Variants in KNL1 observed in about 807,000 individuals in gnomAD.
The protein encoded by KNL1 is outer kinetochore KNL1 complex subunit KNL1.
KNL1 carries 66 observed loss-of-function variants against 201.3 expected under a neutral mutation model. The observed-to-expected ratio is 0.33, with a 90% CI of 0.27 to 0.40. The LOEUF (loss-of-function observed/expected upper bound fraction) is 0.40, where lower values mean the gene tolerates loss of function less well. Among genes scored for constraint, KNL1 ranks in the 10% least tolerant of loss-of-function variants. KNL1 has a pLI of 1.00. For missense variants in KNL1, 2,815 were observed against 2,690.5 expected (o/e 1.05, Z -1.02); for synonymous variants, 895 against 899.2 (o/e 1.00, Z 0.08).
At chr15:40,629,435 G>C in intron 13 of KNL1, 64 bp downstream of exon 13, 1 of 783,704 alleles carries the variant, frequency 1.3e-6, no homozygotes, top group Non-Finnish European at 1.8e-6. Flanking sequence ...AGCACAAAAA[G>C]AATGGAAGAG....
Position 40,622,705 on chromosome 15 carries a change from A to C in KNL1, c.2441A>C (p.Glu814Ala). ...KVEKCGKSPI[E>A]KSGVLKSNCI... ...GAAAAATGTGGTAAAAGTCCCATAG[A>C]AAAAAGTGGAGTGCTTAAATCTAAC... The change falls in exon 10 of 26, where the codon GAA becomes GCA. Residue 814 changes from glutamate (E) to alanine (A), a missense_variant. Coordinates refer to ENST00000399668, the MANE Select transcript of KNL1 (RefSeq NM_144508.5). 2 of 1,590,818 alleles carry C rather than the reference A, an allele frequency of 1.3e-6. No individual in the cohort carries two copies. The highest frequency in any genetic ancestry group is 1.7e-6 in the Non-Finnish European group (2 of 1,171,478).
At position 40,629,471 on chromosome 15, in the gene KNL1, C is replaced by CTT. The variant is rs11368953; in HGVS notation, c.5682+115_5682+116dup. The CTT allele has an allele frequency of 0.024, 4,549 of 191,686 alleles. 52 individuals carry two copies. Among genetic ancestry groups the CTT allele is most frequent in the African/African-American group, 0.039 (938 of 24,100 alleles). The allele number at this position is 191,686 out of a possible 1,614,324, so 11.9% of individuals were successfully genotyped here. On this transcript the variant is annotated intron_variant, in intron 13 of 25. Coordinates refer to ENST00000399668, the MANE Select transcript of KNL1 (RefSeq NM_144508.5). ...AGCAAATTTTCCTATAGAGAGTTTTCTTTTTTTTTTTTTTTTGCCTTTTCT... is the reference window on the plus strand; with the variant it reads ...AGCAAATTTTCCTATAGAGAGTTTTCTTTTTTTTTTTTTTTTTTGCCTTTTCT...
rs1220560734 is a variant in KNL1, at chr15:40,623,883, T to G, written c.3619T>G (p.Cys1207Gly). ...LGVSFPKDNS[C>G]VQEIAEKQAL... ...TGTTTCCTTTCCTAAGGATAATAGC[T>G]GTGTTCAAGAAATCGCTGAAAAACA... The change falls in exon 10 of 26, where the codon TGT becomes GGT. Residue 1207 changes from cysteine to glycine, a missense_variant. Physicochemically the swap from Cys to Gly is radical, Grantham distance 159. Coordinates refer to ENST00000399668, the MANE Select transcript of KNL1 (RefSeq NM_144508.5). 2 of 1,613,602 alleles carry G rather than the reference T, an allele frequency of 1.2e-6. No individual in the cohort carries two copies. The highest frequency in any genetic ancestry group is 3.3e-5 in the Admixed American group (2 of 60,006).
intron 6 of KNL1, among the ~76,000 whole-genome samples, 169 bp from the exon 7 acceptor site, chr15:40,611,309 G>A (rs1173149182): frequency 4.0e-5 from 6 of 151,822 alleles, no homozygotes; most frequent in African/African-American, 7.3e-5. Flanking sequence ...GGGTTTCACC[G>A]TGTTGGTCAG....
chr15:40,595,338 C>A (rs1049202702), intron 1 of KNL1, among the ~76,000 whole-genome samples: 1 of 152,054 alleles, frequency 6.6e-6, no homozygotes, highest in African/African-American at 2.4e-5. Context: ...TGTGGGAGCA[C>A]GGAAAAGGGA....
At chr15:40,644,491 T>C (rs1893326933) in intron 14 of KNL1, among the ~76,000 whole-genome samples, 1 of 152,240 alleles carries the variant, frequency 6.6e-6, no homozygotes, top group Admixed American at 6.5e-5. Flanking sequence ...GGCTTTCGTC[T>C]TTTACTAATC....
At position 40,623,884 on chromosome 15, in the gene KNL1, G is replaced by A. The variant is rs1036291197; in HGVS notation, c.3620G>A (p.Cys1207Tyr). 33 of 1,613,420 alleles carry A rather than the reference G, an allele frequency of 2.0e-5. No homozygotes were observed. The highest frequency in any genetic ancestry group is 6.7e-5 in the African/African-American group (5 of 74,916). The change falls in exon 10 of 26, where the codon TGT becomes TAT. Residue 1207 changes from cysteine to tyrosine, a missense_variant. This residue lies in a region of KNL1 where 2,464 missense variants were observed against 2,291.7 expected (regional missense o/e 1.08). Transcript: ENST00000399668. ...GTTTCCTTTCCTAAGGATAATAGCT[G>A]TGTTCAAGAAATCGCTGAAAAACAA... ...LGVSFPKDNS[C>Y]VQEIAEKQAL... is the part of the protein sequence containing the mutation.
At chr15:40,636,829 C>G (rs1006499098) in intron 13 of KNL1, among the ~76,000 whole-genome samples, 26 of 152,250 alleles carry the variant, frequency 1.7e-4, no homozygotes, top group African/African-American at 6.0e-4. Flanking sequence ...GAGCTTGTCT[C>G]AAAATTATCA....
chr15:40,606,237 A>G (rs1450121375), intron 3 of KNL1, among the ~76,000 whole-genome samples, 156 bp from the exon 4 acceptor site: 1 of 152,220 alleles, frequency 6.6e-6, no homozygotes, highest in African/African-American at 2.4e-5. Flanking sequence ...AGATATTTAA[A>G]TCTGCCACAC....
Position 40,596,993 on chromosome 15 carries a change from T to A in KNL1, c.-18+2601T>A, listed in dbSNP as rs563685931. Among the ~76,000 whole-genome samples, 5 of 79,408 alleles carry A rather than the reference T, an allele frequency of 6.3e-5. No individual in the cohort carries two copies. In the East Asian group the frequency reaches 1.6e-3, roughly 26 times the overall value. 52.1% of individuals were successfully genotyped at this position (79,408 alleles called of 152,430 possible). On this transcript the variant is annotated intron_variant, in intron 1 of 25. Transcript: ENST00000399668. ...CCAGCCTGGGCAACAAGAGTGAAAC[T>A]CCATCTCAAAAAAAAAAAAAAAAAA... is the stretch of plus-strand genomic sequence containing the variant.
Position 40,623,417 on chromosome 15 carries a change from T to A in KNL1, c.3153T>A (p.Pro1051=). The part of the protein sequence containing the change: ...TCKNIKDVQS[P]GFLNEPLSSK... Reference sequence around the variant, plus strand: ...AAAACATCAAAGATGTACAAAGTCCTGGATTTCTGAATGAACCTCTATCAA... The same window carrying A: ...AAAACATCAAAGATGTACAAAGTCCAGGATTTCTGAATGAACCTCTATCAA... The change falls in exon 10 of 26, where the codon CCT becomes CCA. Residue 1051 remains proline (P), a synonymous_variant. Transcript: ENST00000399668. 6.2e-7 allele frequency: 1 copy of A among 1,613,728 alleles called. No individual in the cohort carries two copies. Among genetic ancestry groups the A allele is most frequent in the Non-Finnish European group, 8.5e-7 (1 of 1,179,852 alleles).
At chr15:40,626,970 C>G (rs1892772646) in intron 10 of KNL1, among the ~76,000 whole-genome samples, 1 of 152,234 alleles carries the variant, frequency 6.6e-6, no homozygotes, top group Non-Finnish European at 1.5e-5. Flanking sequence ...TCTCAGCTCA[C>G]TGCAACCTCC....
intron 1 of KNL1, among the ~76,000 whole-genome samples, chr15:40,598,576 C>G (rs574247287): frequency 9.2e-4 from 140 of 151,880 alleles, no homozygotes; most frequent in African/African-American, 3.1e-3. Context: ...CTCCCTGCCC[C>G]CTCCGGCCCC....
rs992439324 is a variant in KNL1, at chr15:40,657,297, C to T, written c.6595-58C>T. The T allele has an allele frequency of 5.1e-5, 57 of 1,109,540 alleles. No individual in the cohort carries two copies. In the Middle Eastern group the frequency reaches 1.6e-3, roughly 31 times the overall value. The allele number at this position is 1,109,540 out of a possible 1,614,324, so 68.7% of individuals were successfully genotyped here. On this transcript the variant is annotated intron_variant, in intron 23 of 25. Transcript: ENST00000399668. ...TTTTTTGAGTTCTTTGTAAGTGAGC[C>T]ACTAAGCATTGAAATGTTTTCATAA... is the stretch of plus-strand genomic sequence containing the variant.
At position 40,612,903 on chromosome 15, in the gene KNL1, A is replaced by T. The variant is rs73394739; in HGVS notation, c.284+1392A>T. Among the ~76,000 whole-genome samples the T allele has an allele frequency of 6.9e-3, 1,056 of 152,320 alleles. 8 individuals carry two copies. The highest frequency in any genetic ancestry group is 0.024 in the African/African-American group (1,015 of 41,570). On this transcript the variant is annotated intron_variant, in intron 7 of 25. Transcript: ENST00000399668. ...GTGGGAGTATAATTTGTAGAAGGCA[A>T]CTTGGTAATATCGTTCAGAATTTTA...
intron 25 of KNL1, among the ~76,000 whole-genome samples, 172 bp from the exon 26 acceptor site, chr15:40,661,902 G>T (rs1482894530): frequency 6.6e-6 from 1 of 152,082 alleles, no homozygotes; most frequent in Non-Finnish European, 1.5e-5. Flanking sequence ...TTAGCCGGGC[G>T]TGGTGGCAGG....
chr15:40,627,139 C>A (rs1034923339), intron 10 of KNL1, among the ~76,000 whole-genome samples: 1 of 152,232 alleles, frequency 6.6e-6, no homozygotes, highest in Non-Finnish European at 1.5e-5. Context: ...AAGTGATCCA[C>A]CTTCCTTAGC....
In KNL1 at chr15:40,622,925, A is replaced by G; in HGVS notation, c.2661A>G (p.Leu887=). Residue 887 remains leucine (L), a synonymous_variant, in exon 10 of 26, where the codon TTA becomes TTG. Transcript: ENST00000399668. The part of the protein sequence containing the change: ...SYTIEINHRP[L]LEKRDCHLVP... ...CAATAGAAATAAACCATAGACCTTT[A>G]TTAGAGAAACGTGATTGTCATTTGG... 2 of 1,613,270 alleles carry G rather than the reference A, an allele frequency of 1.2e-6. No homozygotes were observed. The highest frequency in any genetic ancestry group is 1.1e-5 in the South Asian group (1 of 91,018).
chr15:40,641,397 A>T (rs33999280), intron 14 of KNL1, among the ~76,000 whole-genome samples: 11,680 of 152,300 alleles, frequency 0.077, 614 homozygotes, highest in Non-Finnish European at 0.11. Context: ...AGATTATGAT[A>T]TCATAAGTTG....
Sources: gnomAD v4.1 joint callset for allele counts (sites outside exome capture counted in the v4.1 genomes callset) on GRCh38, gnomAD v4.1.1 for gene constraint, gnomAD v4.1.1 regional missense constraint, MANE v1.5 for transcripts, NCBI Gene and HGNC (gene_info 2026-07-23, HGNC 2026-07-21) for gene names.